The following PCSK5 variants were observed in gnomAD, a reference collection of about 807,000 sequenced individuals.
The protein encoded by PCSK5 is proprotein convertase subtilisin/kexin type 5, also known as prohormone convertase 5.
In PCSK5, 129 loss-of-function variants were observed where a neutral mutation model predicts 233.2. That is an observed-to-expected ratio of 0.55 (90% CI 0.48 to 0.64). PCSK5 has a LOEUF of 0.64. PCSK5 is among the 30% of genes least tolerant of loss of function. The pLI, the probability that PCSK5 is intolerant of heterozygous loss-of-function variation, is 0.00. For synonymous variants in PCSK5, 825 were observed against 879.2 expected (o/e 0.94, Z 1.09); for missense variants, 2,076 against 2,430.1 (o/e 0.85, Z 3.06).
chr9:76,116,262 T>C (rs1832419601), intron 9 of PCSK5, among the ~76,000 whole-genome samples: 1 of 152,118 alleles, frequency 6.6e-6, no homozygotes, highest in African/African-American at 2.4e-5. Context: ...ATACCTGGAA[T>C]AGAACATGTA....
At chr9:76,149,276 C>G (rs140186182) in intron 10 of PCSK5, among the ~76,000 whole-genome samples, 160 of 152,292 alleles carry the variant, frequency 1.1e-3, no homozygotes, top group African/African-American at 3.7e-3. Context: ...TTGCCATCAT[C>G]ACCTCCAACA....
intron 7 of PCSK5, among the ~76,000 whole-genome samples, chr9:76,094,907 A>G (rs1831445706): frequency 6.6e-6 from 1 of 152,218 alleles, no homozygotes; most frequent in Admixed American, 6.5e-5. Context: ...ACTATGCCTA[A>G]CCAAGAAATT....
At chr9:76,260,655 T>C (rs1827142740) in intron 24 of PCSK5, among the ~76,000 whole-genome samples, 1 of 152,274 alleles carries the variant, frequency 6.6e-6, no homozygotes, top group Non-Finnish European at 1.5e-5. Context: ...CCCAACTGAA[T>C]GAGGAAACAG....
At chr9:75,896,576 A>C (rs1003014456) in intron 1 of PCSK5, among the ~76,000 whole-genome samples, 4 of 152,188 alleles carry the variant, frequency 2.6e-5, no homozygotes, top group African/African-American at 4.8e-5. Flanking sequence ...AAGTATCTCC[A>C]GGCATTGCTC....
At chr9:76,192,863 T>TGTC (rs1824475058) in intron 20 of PCSK5, among the ~76,000 whole-genome samples, 1 of 152,188 alleles carries the variant, frequency 6.6e-6, no homozygotes, top group Non-Finnish European at 1.5e-5. Flanking sequence ...TTAAATCTTG[T>TGTC]GTCTTAGATT....
rs147545278 is a variant in PCSK5 at position 76,003,950 on chromosome 9, C to T, written c.411+17705C>T. ...AGCTAGAACTGCAGGTGTGCACCAC[C>T]ACAGCTGGCTAATTTTTTTATTTTT... On this transcript the variant is annotated intron_variant, in intron 3 of 37. Coordinates refer to ENST00000674117, the MANE Select transcript of PCSK5 (RefSeq NM_001372043.1). Among the ~76,000 whole-genome samples the T allele has an allele frequency of 3.0e-3, 455 of 152,256 alleles. 5 individuals carry two copies. The highest frequency in any genetic ancestry group is 0.01 in the African/African-American group (428 of 41,532).
At chr9:76,005,357 A>T (rs1162604457) in intron 3 of PCSK5, among the ~76,000 whole-genome samples, 1 of 152,200 alleles carries the variant, frequency 6.6e-6, no homozygotes, top group African/African-American at 2.4e-5. Flanking sequence ...GCTCTCGCTC[A>T]TCTTTATATA....
intron 30 of PCSK5, among the ~76,000 whole-genome samples, chr9:76,314,309 T>C (rs1167083732): frequency 6.6e-6 from 1 of 152,216 alleles, no homozygotes; most frequent in African/African-American, 2.4e-5. Flanking sequence ...GACTATAGAA[T>C]TGCAAGCATA....
At chr9:75,899,617 C>T (rs918223576) in intron 1 of PCSK5, among the ~76,000 whole-genome samples, 8 of 152,082 alleles carry the variant, frequency 5.3e-5, no homozygotes, top group African/African-American at 9.7e-5. Context: ...CACATATAAG[C>T]GGGATCATCA....
intron 2 of PCSK5, among the ~76,000 whole-genome samples, chr9:75,933,074 G>A (rs1823881851): frequency 6.6e-6 from 1 of 152,094 alleles, no homozygotes; most frequent in African/African-American, 2.4e-5. Flanking sequence ...TTTTCCAGAC[G>A]ACGTACCCCT....
chr9:76,043,357 A>AAAG (rs1373291521), intron 5 of PCSK5, among the ~76,000 whole-genome samples: 9 of 149,570 alleles, frequency 6.0e-5, no homozygotes, highest in Non-Finnish European at 7.4e-5. Flanking sequence ...AAAAAAAAAA[A>AAAG]GTATTTTCGA....
intron 1 of PCSK5, among the ~76,000 whole-genome samples, chr9:75,904,062 C>A (rs1175909306): frequency 6.6e-6 from 1 of 152,024 alleles, no homozygotes; most frequent in Non-Finnish European, 1.5e-5. Flanking sequence ...AACTATGGGG[C>A]GTCTTTCAAT....
chr9:75,954,103 G>A (rs141243100), intron 2 of PCSK5, among the ~76,000 whole-genome samples: 1 of 152,282 alleles, frequency 6.6e-6, no homozygotes, highest in East Asian at 1.9e-4. Context: ...GTAACGATGT[G>A]GCTAAACAGT....
chr9:76,032,956 A>C (rs1828709614), intron 5 of PCSK5, among the ~76,000 whole-genome samples: 1 of 152,242 alleles, frequency 6.6e-6, no homozygotes, highest in Non-Finnish European at 1.5e-5. Flanking sequence ...TCTGGGTTAA[A>C]GACTTGTTTT....
chr9:76,195,139 T>G (rs369014375), intron 20 of PCSK5: 3 of 156,264 alleles, frequency 1.9e-5, no homozygotes, highest in Non-Finnish European at 4.2e-5. Context: ...TGCTAAGCAG[T>G]CTTCCCCTTA....
chr9:76,253,303 A>G (rs17062283), intron 24 of PCSK5, among the ~76,000 whole-genome samples: 5,704 of 151,916 alleles, frequency 0.038, 275 homozygotes, highest in African/African-American at 0.12. Flanking sequence ...GGTTTAGAAT[A>G]TAAATGCAAT....
intron 10 of PCSK5, among the ~76,000 whole-genome samples, chr9:76,150,031 T>C (rs576820677): frequency 6.6e-5 from 10 of 152,156 alleles, no homozygotes; most frequent in Non-Finnish European, 1.3e-4. Context: ...TAATAAATTG[T>C]GTGTGTATAT....
At chr9:76,184,639 C>T in intron 16 of PCSK5, 34 bp from the exon 17 acceptor site, 1 of 1,405,788 alleles carries the variant, frequency 7.1e-7, no homozygotes, top group Non-Finnish European at 1.0e-6. Context: ...TCCAATTGAC[C>T]AACTGATTTA....
At chr9:76,252,135 CG>C (rs11320977) in intron 24 of PCSK5, among the ~76,000 whole-genome samples, 3,789 of 152,018 alleles carry the variant, frequency 0.025, 74 homozygotes, top group African/African-American at 0.057. Context: ...GGCATGGTGG[CG>C]GGGTGCCTGT....
Sources: allele counts gnomAD v4.1 joint callset (sites outside exome capture counted in the v4.1 genomes callset), GRCh38; gene constraint gnomAD v4.1.1; transcripts MANE v1.5; gene names NCBI Gene and HGNC (gene_info 2026-07-23, HGNC 2026-07-21).